The following NAALADL2 variants were observed in gnomAD, a reference collection of about 807,000 sequenced individuals.
NAALADL2 encodes the protein inactive N-acetylated-alpha-linked acidic dipeptidase-like protein 2.
Under a neutral mutation model 87.2 loss-of-function variants are expected in NAALADL2, and 76 were observed. The ratio of observed to expected loss-of-function variants is 0.87; its 90% CI spans 0.72 to 1.05. The LOEUF is 1.05. Among genes scored for constraint, NAALADL2 ranks in the 50% least tolerant of loss-of-function variants. The probability of loss-of-function intolerance (pLI) is 0.00; values close to 1 mark genes in which losing one functional copy is unlikely to be tolerated. For missense variants in NAALADL2, 1,089 were observed against 945.8 expected (o/e 1.15, Z -1.99); for synonymous variants, 354 against 331.0 (o/e 1.07, Z -0.75).
intron 2 of NAALADL2, among the ~76,000 whole-genome samples, chr3:175,152,198 GATC>G (rs1159020762): frequency 2.0e-5 from 3 of 152,080 alleles, no homozygotes; most frequent in Non-Finnish European, 4.4e-5. Flanking sequence ...GTAATAAAGA[GATC>G]ATAATATAAT....
chr3:175,257,740 G>C (rs1175409296), intron 4 of NAALADL2, among the ~76,000 whole-genome samples: 3 of 151,824 alleles, frequency 2.0e-5, no homozygotes, highest in Admixed American at 6.6e-5. Context: ...ATGTAAAGGA[G>C]AATATTTAAT....
intron 2 of NAALADL2, among the ~76,000 whole-genome samples, chr3:174,597,956 G>A (rs937469400): frequency 2.0e-5 from 3 of 151,976 alleles, no homozygotes; most frequent in South Asian, 4.2e-4. Context: ...TTTCTCTCTT[G>A]TATTGTAGAT....
chr3:175,357,623 A>G (rs1046939647), intron 5 of NAALADL2, among the ~76,000 whole-genome samples: 1 of 152,172 alleles, frequency 6.6e-6, no homozygotes, highest in Non-Finnish European at 1.5e-5. Context: ...TTTCTAATAC[A>G]ATATATGCAA....
intron 3 of NAALADL2, among the ~76,000 whole-genome samples, chr3:174,762,039 C>G (rs1231123092): frequency 6.6e-6 from 1 of 151,976 alleles, no homozygotes; most frequent in Non-Finnish European, 1.5e-5. Context: ...CAATGTCATG[C>G]CTTCCAAATC....
rs983424837 is a variant in NAALADL2, at chr3:175,720,215, G to A, written c.1897-17091G>A. On this transcript the variant is annotated intron_variant, in intron 11 of 13. Transcript: ENST00000454872. ...AACAATCCATCTGAACACAACAATC[G>A]ATGCTGAAATAAACTATAAGAGTTT... is the stretch of plus-strand genomic sequence containing the variant. 1.4e-4 allele frequency among the ~76,000 whole-genome samples: 22 copies of A among 152,046 alleles called. 1 individual carries two copies. Among genetic ancestry groups the A allele is most frequent in the South Asian group, 1.2e-3 (6 of 4,818 alleles).
intron 6 of NAALADL2, among the ~76,000 whole-genome samples, chr3:175,456,470 C>A (rs886979158): frequency 1.3e-5 from 2 of 152,066 alleles, no homozygotes; most frequent in Non-Finnish European, 2.9e-5. Flanking sequence ...CCAATACACA[C>A]ACACACACGC....
chr3:175,457,563 T>C (rs192967721), intron 6 of NAALADL2, among the ~76,000 whole-genome samples: 2 of 152,236 alleles, frequency 1.3e-5, no homozygotes, highest in African/African-American at 4.8e-5. Context: ...TTTCACTCTG[T>C]CACTGCAGTG....
In NAALADL2 at chr3:174,914,157, T is replaced by C. The variant is rs1734066696; in HGVS notation, c.43+54707T>C. On this transcript the variant is annotated intron_variant, in intron 1 of 13. Coordinates refer to ENST00000454872, the MANE Select transcript of NAALADL2 (RefSeq NM_207015.3). ...GGCTCACTGCAACCTCTGCCTCCAG[T>C]GTTCAAGTGATTCTCCTGCCTCAGC... Among the ~76,000 whole-genome samples the C allele has an allele frequency of 2.0e-5, 3 of 151,276 alleles. No homozygotes were observed. In the South Asian group the frequency reaches 6.3e-4, roughly 32 times the overall value.
chr3:175,467,211 G>T (rs1279803973), intron 8 of NAALADL2, 27 bp downstream of exon 8: 1 of 1,570,394 alleles, frequency 6.4e-7, no homozygotes, highest in Non-Finnish European at 8.7e-7. Context: ...ATTAATTACA[G>T]TGCTTTTCTT....
intron 1 of NAALADL2, among the ~76,000 whole-genome samples, chr3:175,018,891 C>G (rs756075004): frequency 1.3e-5 from 2 of 152,062 alleles, no homozygotes; most frequent in African/African-American, 4.8e-5. Flanking sequence ...AGGCTGACCA[C>G]TAAAACTTTA....
intron 9 of NAALADL2, among the ~76,000 whole-genome samples, chr3:175,533,199 C>T (rs150927546): frequency 5.9e-5 from 9 of 152,322 alleles, no homozygotes; most frequent in Admixed American, 1.3e-4. Flanking sequence ...ACCATTATCC[C>T]ATGCCCTTAA....
intron 3 of NAALADL2, among the ~76,000 whole-genome samples, chr3:174,801,976 A>T (rs1055463571): frequency 6.6e-6 from 1 of 152,070 alleles, no homozygotes; most frequent in African/African-American, 2.4e-5. Flanking sequence ...CTTTGATACA[A>T]ATGAATAATT....
At chr3:175,515,698 G>A (rs1216986819) in intron 9 of NAALADL2, among the ~76,000 whole-genome samples, 4 of 152,114 alleles carry the variant, frequency 2.6e-5, no homozygotes, top group Non-Finnish European at 4.4e-5. Context: ...AATCCACTAA[G>A]ACAGCCTGGC....
intron 2 of NAALADL2, among the ~76,000 whole-genome samples, chr3:174,728,523 C>T (rs1183834435): frequency 6.6e-6 from 1 of 152,060 alleles, no homozygotes; most frequent in Non-Finnish European, 1.5e-5. Context: ...TCAGTACACA[C>T]AGCTAATAAG....
intron 13 of NAALADL2, among the ~76,000 whole-genome samples, chr3:175,801,968 ATAAAAGAAGAGAG>A (rs1754205781): frequency 6.6e-6 from 1 of 152,148 alleles, no homozygotes; most frequent in Non-Finnish European, 1.5e-5. Flanking sequence ...TCAAACATAT[ATAAAAGAAGAGAG>A]AACAGTGTAA....
At chr3:175,395,280 T>C (rs1402685020) in intron 5 of NAALADL2, among the ~76,000 whole-genome samples, 2 of 152,184 alleles carry the variant, frequency 1.3e-5, no homozygotes, top group Non-Finnish European at 2.9e-5. Flanking sequence ...TAAAAACTTA[T>C]GATTTGTTTA....
At chr3:174,532,051 C>T (rs1206441339) in intron 1 of NAALADL2, among the ~76,000 whole-genome samples, 5 of 152,152 alleles carry the variant, frequency 3.3e-5, no homozygotes, top group Non-Finnish European at 5.9e-5. Flanking sequence ...TAGATGAAAT[C>T]ATTGCAAGTA....
At chr3:174,997,658 A>G (rs1003887729) in intron 1 of NAALADL2, among the ~76,000 whole-genome samples, 1 of 152,108 alleles carries the variant, frequency 6.6e-6, no homozygotes, top group Non-Finnish European at 1.5e-5. Flanking sequence ...TCTACTAAAA[A>G]TACAAAAATT....
intron 3 of NAALADL2, among the ~76,000 whole-genome samples, chr3:174,752,529 C>T (rs1265035241): frequency 6.6e-6 from 1 of 151,200 alleles, no homozygotes; most frequent in Admixed American, 6.6e-5. Context: ...TTTCTTTAAT[C>T]GTTTATAATT....
Sources: allele counts gnomAD v4.1 joint callset (sites outside exome capture counted in the v4.1 genomes callset), GRCh38; gene constraint gnomAD v4.1.1; transcripts MANE v1.5; gene names NCBI Gene and HGNC (gene_info 2026-07-23, HGNC 2026-07-21).